Variants in LUZP2 observed in about 807,000 individuals in gnomAD.
LUZP2 encodes leucine zipper protein 2.
A neutral mutation model predicts 51.6 loss-of-function variants in LUZP2; 52 were observed. The observed-to-expected ratio is 1.01, with a 90% CI of 0.81 to 1.27. LUZP2 has a LOEUF of 1.27. LUZP2 is among the 50% of genes most tolerant of loss of function. LUZP2 has a pLI of 0.00. For missense variants in LUZP2, 436 were observed against 395.4 expected (o/e 1.10, Z -0.87); for synonymous variants, 154 against 137.3 (o/e 1.12, Z -0.85).
chr11:24,784,753 A>G (rs540269651), intron 5 of LUZP2, among the ~76,000 whole-genome samples: 2 of 152,050 alleles, frequency 1.3e-5, no homozygotes, highest in Admixed American at 1.3e-4. Flanking sequence ...AACTATAGCA[A>G]GGTAGAATCT....
chr11:24,521,103 C>A (rs1451392595), intron 1 of LUZP2, among the ~76,000 whole-genome samples: 1 of 152,156 alleles, frequency 6.6e-6, no homozygotes, highest in Non-Finnish European at 1.5e-5. Context: ...GTAATCCCAG[C>A]ACTTTGGGAG....
intron 3 of LUZP2, among the ~76,000 whole-genome samples, chr11:24,733,356 A>G (rs1273720411): frequency 1.3e-5 from 2 of 151,816 alleles, no homozygotes; most frequent in Admixed American, 1.3e-4. Context: ...CATGCTCAAT[A>G]TTACACCAGT....
intron 1 of LUZP2, among the ~76,000 whole-genome samples, chr11:24,634,464 A>G (rs1451184103): frequency 6.6e-6 from 1 of 152,066 alleles, no homozygotes; most frequent in Non-Finnish European, 1.5e-5. Context: ...ATAAGCCAAG[A>G]TATGCCAGCT....
At chr11:25,002,514 C>T (rs1565213709) in intron 9 of LUZP2, among the ~76,000 whole-genome samples, 1 of 152,182 alleles carries the variant, frequency 6.6e-6, no homozygotes, top group African/African-American at 2.4e-5. Flanking sequence ...CATAAACTTC[C>T]TTTGGCACCT....
chr11:24,602,158 G>GTATATATGTGTA (rs1430424517), intron 1 of LUZP2, among the ~76,000 whole-genome samples: 3 of 122,990 alleles, frequency 2.4e-5, no homozygotes, highest in African/African-American at 6.7e-5. Context: ...ATGTATATAT[G>GTATATATGTGTA]TATATATGTG....
intron 6 of LUZP2, among the ~76,000 whole-genome samples, chr11:24,910,736 G>A (rs1031274422): frequency 6.6e-6 from 1 of 152,152 alleles, no homozygotes; most frequent in African/African-American, 2.4e-5. Flanking sequence ...CTCTTCTAGG[G>A]AAGTGCAGAA....
At chr11:24,964,260 T>C (rs1855515623) in intron 7 of LUZP2, among the ~76,000 whole-genome samples, 1 of 152,184 alleles carries the variant, frequency 6.6e-6, no homozygotes, top group African/African-American at 2.4e-5. Context: ...ATTTACCTGC[T>C]ACATGCTGGT....
chr11:24,961,012 G>C (rs1197985671), intron 7 of LUZP2, among the ~76,000 whole-genome samples: 2 of 152,122 alleles, frequency 1.3e-5, no homozygotes, highest in Non-Finnish European at 2.9e-5. Context: ...GTACCCAGTA[G>C]TCATTCAGGA....
At chr11:24,741,852 AATAT>A (rs1171827364) in intron 4 of LUZP2, among the ~76,000 whole-genome samples, 7 of 138,640 alleles carry the variant, frequency 5.0e-5, no homozygotes, top group South Asian at 2.1e-4. Flanking sequence ...TATAAATATA[AATAT>A]ATAAATGTAT....
At chr11:24,637,423 G>GA (rs1376809741) in intron 1 of LUZP2, among the ~76,000 whole-genome samples, 11 of 151,774 alleles carry the variant, frequency 7.2e-5, no homozygotes, top group Non-Finnish European at 1.6e-4. Flanking sequence ...AGTGCACCCT[G>GA]AAAAAGAACA....
chr11:24,876,860 G>A (rs1852284635), intron 5 of LUZP2, among the ~76,000 whole-genome samples: 1 of 152,026 alleles, frequency 6.6e-6, no homozygotes, highest in Non-Finnish European at 1.5e-5. Flanking sequence ...ATAGAGATGA[G>A]GGTATCATGG....
chr11:24,729,574 C>G (rs961449473), intron 2 of LUZP2, among the ~76,000 whole-genome samples: 36 of 151,806 alleles, frequency 2.4e-4, no homozygotes, highest in African/African-American at 8.0e-4. Flanking sequence ...TATAAAATGA[C>G]AAATTATGAT....
chr11:24,725,018 G>A (rs1858419892), intron 1 of LUZP2, among the ~76,000 whole-genome samples: 1 of 152,150 alleles, frequency 6.6e-6, no homozygotes, highest in African/African-American at 2.4e-5. Flanking sequence ...TAAGGTGTGT[G>A]ATTGTTATCT....
At chr11:24,811,165 C>G (rs1283140932) in intron 5 of LUZP2, among the ~76,000 whole-genome samples, 1 of 152,132 alleles carries the variant, frequency 6.6e-6, no homozygotes, top group African/African-American at 2.4e-5. Context: ...TTCTTATTGA[C>G]TGCCAGCCCT....
intron 9 of LUZP2, among the ~76,000 whole-genome samples, chr11:25,031,938 T>A (rs559886194): frequency 6.6e-6 from 1 of 152,212 alleles, no homozygotes; most frequent in African/African-American, 2.4e-5. Flanking sequence ...ATCAGCTGAT[T>A]TTAAAGTAGA....
chr11:25,037,452 C>A (rs1233636964), intron 9 of LUZP2, among the ~76,000 whole-genome samples: 1 of 152,098 alleles, frequency 6.6e-6, no homozygotes. Context: ...AGCCCATTTA[C>A]ATTCAAGGTT....
At chr11:24,748,301 C>A (rs1265062476) in intron 4 of LUZP2, among the ~76,000 whole-genome samples, 10 of 152,100 alleles carry the variant, frequency 6.6e-5, no homozygotes, top group Admixed American at 5.9e-4. Context: ...ACCTTTCCTG[C>A]AAACTGCTCC....
chr11:24,770,416 T>G (rs552147518), intron 5 of LUZP2, among the ~76,000 whole-genome samples: 1 of 152,272 alleles, frequency 6.6e-6, no homozygotes, highest in South Asian at 2.1e-4. Flanking sequence ...CCTTTTCCTT[T>G]TATTATTTCA....
At chr11:24,672,798 T>C (rs2134004984) in intron 1 of LUZP2, among the ~76,000 whole-genome samples, 1 of 152,322 alleles carries the variant, frequency 6.6e-6, no homozygotes, top group East Asian at 1.9e-4. Flanking sequence ...CACATTGCTT[T>C]ATTGAATACT....
Sources: allele counts gnomAD v4.1 joint callset (sites outside exome capture counted in the v4.1 genomes callset), GRCh38; gene constraint gnomAD v4.1.1; transcripts MANE v1.5; gene names NCBI Gene and HGNC (gene_info 2026-07-23, HGNC 2026-07-21).